Variants in GNPTG observed in about 807,000 individuals in gnomAD.
The protein encoded by GNPTG is N-acetylglucosamine-1-phosphotransferase subunit gamma.
In GNPTG, 46 loss-of-function variants were observed where a neutral mutation model predicts 43.8. The ratio of observed to expected loss-of-function variants is 1.05; its 90% CI spans 0.83 to 1.34. GNPTG has a LOEUF of 1.34. Among genes scored for constraint, GNPTG ranks in the 40% most tolerant of loss-of-function variants. GNPTG has a pLI of 0.00. For missense variants in GNPTG, 549 were observed against 411.3 expected (o/e 1.33, Z -2.90); for synonymous variants, 250 against 172.8 (o/e 1.45, Z -3.50).
intron 3 of GNPTG, among the ~76,000 whole-genome samples, chr16:1,356,869 G>A (rs1567181377): frequency 6.6e-6 from 1 of 151,848 alleles, no homozygotes; most frequent in East Asian, 2.0e-4. Context: ...GTGAGAGCGG[G>A]AATCTGCGGG....
At chr16:1,356,898 AGTGT>A (rs2034787224) in intron 3 of GNPTG, among the ~76,000 whole-genome samples, 1 of 7,124 alleles carries the variant, frequency 1.4e-4, no homozygotes, top group South Asian at 6.3e-3. Flanking sequence ...TGCGGGCGGG[AGTGT>A]GCGGGCGAGA....
rs148914156 is a variant in GNPTG at position 1,352,915 on chromosome 16, A to G, written c.178+609A>G. On this transcript the variant is annotated intron_variant, in intron 3 of 10. Coordinates refer to ENST00000204679, the MANE Select transcript of GNPTG (RefSeq NM_032520.5). Reference sequence around the variant, plus strand: ...TGGAATTGGTGGGTCATGAGTATATATATCATTTAAACGCTGAATGAGTAT... The same window carrying G: ...TGGAATTGGTGGGTCATGAGTATATGTATCATTTAAACGCTGAATGAGTAT... 6.7e-3 allele frequency among the ~76,000 whole-genome samples: 1,015 copies of G among 151,988 alleles called. 5 individuals carry two copies. Among genetic ancestry groups the G allele is most frequent in the Admixed American group, 0.013 (197 of 15,252 alleles).
rs936011579 is a variant in GNPTG, at chr16:1,362,320, G to C, written c.526G>C (p.Val176Leu). 11 of 1,612,682 alleles carry C rather than the reference G, an allele frequency of 6.8e-6. No homozygotes were observed. The highest frequency in any genetic ancestry group is 9.3e-6 in the Non-Finnish European group (11 of 1,179,668). ...CGTCTGCCACCCCCACGCCTTGCTA[G>C]GTAGGGGTGCGGGACGCAGTTGAGC... ...PLVCHPHALL[V>L]YPTLPEALQR... The change falls in exon 7 of 11, where the codon GTG becomes CTG. Residue 176 changes from valine to leucine, a missense_variant and splice_region_variant. Transcript: ENST00000204679.
At chr16:1,354,221 C>T (rs1221772593) in intron 3 of GNPTG, among the ~76,000 whole-genome samples, 2 of 152,052 alleles carry the variant, frequency 1.3e-5, no homozygotes, top group Non-Finnish European at 2.9e-5. Flanking sequence ...CCGACCGAAC[C>T]CCTTCCAGTA....
chr16:1,352,677 C>T (rs971444899), intron 3 of GNPTG, among the ~76,000 whole-genome samples: 2 of 152,034 alleles, frequency 1.3e-5, no homozygotes, highest in African/African-American at 4.8e-5. Context: ...CGTTGTCACT[C>T]GCTGTATCTC....
chr16:1,357,486 A>ATTC (rs781233352), intron 3 of GNPTG, among the ~76,000 whole-genome samples: 5 of 141,556 alleles, frequency 3.5e-5, no homozygotes, highest in Non-Finnish European at 6.3e-5. Flanking sequence ...TTTCGACTTT[A>ATTC]TTATTATTAT....
In GNPTG at chr16:1,363,125, G is replaced by A. The variant is rs775046997; in HGVS notation, c.*34G>A. 41 of 1,593,658 alleles carry A rather than the reference G, an allele frequency of 2.6e-5. No individual in the cohort carries two copies. In the Middle Eastern group the frequency reaches 5.0e-4, roughly 19 times the overall value. ...TGGGAGAGCAGAGGTGGACGCGGCC[G>A]AGAGCCCTACAGAGAAGCTGGCTGG... On this transcript the variant is annotated 3_prime_UTR_variant, in exon 11 of 11. Coordinates refer to ENST00000204679, the MANE Select transcript of GNPTG (RefSeq NM_032520.5).
intron 7 of GNPTG, 22 bp from the exon 8 acceptor site, chr16:1,362,430 C>A: frequency 6.2e-7 from 1 of 1,613,380 alleles, no homozygotes; most frequent in Non-Finnish European, 8.5e-7. Flanking sequence ...GCAGCTGAGC[C>A]TGGCTTCTCT....
intron 3 of GNPTG, chr16:1,361,095 G>C (rs538972499): frequency 5.9e-5 from 9 of 153,800 alleles, no homozygotes; most frequent in Non-Finnish European, 1.3e-4. Flanking sequence ...ACTACACTCA[G>C]CTCATTTTTT....
intron 3 of GNPTG, chr16:1,357,600 G>GC (rs1175225311): frequency 6.6e-6 from 1 of 152,226 alleles, no homozygotes; most frequent in Non-Finnish European, 1.5e-5. Context: ...TGCCAGCTCC[G>GC]CCTCCCGGGT....
In GNPTG at chr16:1,361,249, A is replaced by G. The variant is rs573703783; in HGVS notation, c.179-494A>G. The G allele has an allele frequency of 8.7e-5, 16 of 184,924 alleles. No homozygotes were observed. The East Asian group carries it at 2.1e-3, about 24-fold the overall frequency. 11.5% of individuals were successfully genotyped at this position (184,924 alleles called of 1,614,324 possible). A position where few individuals can be genotyped will look rare whatever the true frequency, so the allele number is the denominator to read the frequency against. On this transcript the variant is annotated intron_variant, in intron 3 of 10. Transcript: ENST00000204679. Reference sequence around the variant, plus strand: ...AGCCACGATAGCAAGCCTTAACTCTAATTTTTGAAGGGCTATTTTTAGAAT... The same window carrying G: ...AGCCACGATAGCAAGCCTTAACTCTGATTTTTGAAGGGCTATTTTTAGAAT...
At position 1,354,325 on chromosome 16, in the gene GNPTG, A is replaced by G. The variant is rs536829656; in HGVS notation, c.178+2019A>G. ...ATATGCTGGTCGTGGTGGTGCGTGC[A>G]TGTTGCTCGGGAGCCTGAGGTGTGA... On this transcript the variant is annotated intron_variant, in intron 3 of 10. Transcript: ENST00000204679. Among the ~76,000 whole-genome samples the G allele has an allele frequency of 6.1e-4, 93 of 152,156 alleles. No homozygotes were observed. The South Asian group carries it at 0.018, about 29-fold the overall frequency.
chr16:1,361,461 G>A (rs572575595), intron 3 of GNPTG: 42 of 394,884 alleles, frequency 1.1e-4, no homozygotes, highest in African/African-American at 5.8e-4. Flanking sequence ...TGGCTAACGC[G>A]GTGAAACCCC....
chr16:1,353,281 T>C (rs2034717145), intron 3 of GNPTG, among the ~76,000 whole-genome samples: 1 of 152,202 alleles, frequency 6.6e-6, no homozygotes, highest in South Asian at 2.1e-4. Flanking sequence ...CCAGCTTTAG[T>C]AATTTTATTA....
At chr16:1,360,582 C>T (rs1340879887) in intron 3 of GNPTG, 1 of 152,302 alleles carries the variant, frequency 6.6e-6, no homozygotes, top group East Asian at 1.9e-4. Flanking sequence ...CGAGATCGCG[C>T]CACTGCATTT....
Position 1,362,048 on chromosome 16 carries a change from G to A in GNPTG, c.328G>A (p.Glu110Lys), listed in dbSNP as rs763678034. The A allele has an allele frequency of 1.1e-5, 18 of 1,612,726 alleles. No homozygotes were observed. The highest frequency in any genetic ancestry group is 1.4e-5 in the Non-Finnish European group (16 of 1,179,692). ...AYSGILGIWH[E>K]WEIANNTFTG... The stretch of plus-strand genomic sequence containing the variant: ...CCCGTGTCTCCCCAGCATCTGGCAC[G>A]AGTGGGAGATCGCCAACAACACCTT... Residue 110 changes from glutamate to lysine, a missense_variant, in exon 6 of 11, where the codon GAG becomes AAG. Glu to Lys is a moderately conservative substitution (Grantham distance 56, BLOSUM62 1). Transcript: ENST00000204679.
chr16:1,359,836 G>A (rs566317453), intron 3 of GNPTG, among the ~76,000 whole-genome samples: 2 of 152,028 alleles, frequency 1.3e-5, no homozygotes, highest in South Asian at 2.1e-4. Flanking sequence ...CAGGCTGGGC[G>A]CTGGGGCTCA....
In GNPTG at chr16:1,363,032, C is replaced by T; in HGVS notation, c.859C>T (p.Pro287Ser). ...CTTGGAGCACTTGGGCCACGAGACGCCCAGAGCCAAGTCTCCAGAGCAGCT... is the reference window on the plus strand; with the variant it reads ...CTTGGAGCACTTGGGCCACGAGACGTCCAGAGCCAAGTCTCCAGAGCAGCT... ...SNLEHLGHET[P>S]RAKSPEQLRG... Residue 287 changes from proline (P) to serine (S), a missense_variant, in exon 11 of 11, where the codon CCC (proline) becomes TCC (serine). Pro to Ser is a moderately conservative substitution (Grantham distance 74, BLOSUM62 -1). Coordinates refer to ENST00000204679, the MANE Select transcript of GNPTG (RefSeq NM_032520.5). 1 of 1,614,042 alleles carries T rather than the reference C, an allele frequency of 6.2e-7. No individual in the cohort carries two copies. The highest frequency in any genetic ancestry group is 8.5e-7 in the Non-Finnish European group (1 of 1,180,038).
At position 1,362,918 on chromosome 16, in the gene GNPTG, G is replaced by A; in HGVS notation, c.823+12G>A. The stretch of plus-strand genomic sequence containing the variant: ...CACGAGGCCCACAGGTGAGTCACCT[G>A]TGGGGAGAGGGCCAGGCTCACCATC... On this transcript the variant is annotated intron_variant, in intron 10 of 10. Coordinates refer to ENST00000204679, the MANE Select transcript of GNPTG (RefSeq NM_032520.5). The A allele has an allele frequency of 1.2e-6, 2 of 1,614,108 alleles. No homozygotes were observed. The highest frequency in any genetic ancestry group is 2.2e-5 in the South Asian group (2 of 91,088).
Sources: gnomAD v4.1 joint callset for allele counts (sites outside exome capture counted in the v4.1 genomes callset) on GRCh38, gnomAD v4.1.1 for gene constraint, MANE v1.5 for transcripts, NCBI Gene and HGNC (gene_info 2026-07-23, HGNC 2026-07-21) for gene names.